Variants in PTPRQ observed in about 807,000 individuals in gnomAD.
PTPRQ encodes protein tyrosine phosphatase receptor type Q.
A neutral mutation model predicts 246.0 loss-of-function variants in PTPRQ; 199 were observed. The observed-to-expected ratio is 0.81, with a 90% CI of 0.72 to 0.91. The LOEUF is 0.91. PTPRQ is among the 40% of genes least tolerant of loss of function. The pLI is 0.00. For synonymous variants in PTPRQ, 869 were observed against 853.2 expected (o/e 1.02, Z -0.32); for missense variants, 2,624 against 2,528.4 (o/e 1.04, Z -0.81).
intron 33 of PTPRQ, among the ~76,000 whole-genome samples, chr12:80,629,972 G>A (rs1899361095): frequency 6.6e-6 from 1 of 152,134 alleles, no homozygotes; most frequent in East Asian, 1.9e-4. Context: ...TATTTCTGAA[G>A]TAAAGTAAGT....
At chr12:80,649,559 C>A in intron 36 of PTPRQ, 29 bp from the exon 37 acceptor site, 2 of 1,547,534 alleles carry the variant, frequency 1.3e-6, no homozygotes, top group South Asian at 1.2e-5. Context: ...TCTAACATGA[C>A]CCTATTTTAT....
At chr12:80,567,182 A>G (rs959047874) in intron 25 of PTPRQ, among the ~76,000 whole-genome samples, 1 of 152,242 alleles carries the variant, frequency 6.6e-6, no homozygotes, top group African/African-American at 2.4e-5. Context: ...ATGTATGAGA[A>G]ATATAGTAAA....
intron 33 of PTPRQ, among the ~76,000 whole-genome samples, chr12:80,627,874 A>C (rs1301374619): frequency 6.6e-6 from 1 of 152,166 alleles, no homozygotes; most frequent in Non-Finnish European, 1.5e-5. Flanking sequence ...AGTGAATCAG[A>C]AAGTGTACTT....
chr12:80,613,180 C>T (rs1355093663), intron 28 of PTPRQ, among the ~76,000 whole-genome samples: 1 of 150,490 alleles, frequency 6.6e-6, no homozygotes, highest in Non-Finnish European at 1.5e-5. Context: ...TTCATATAAA[C>T]TCCAGTTACA....
rs1356739325 is a variant in PTPRQ at position 80,546,595 on chromosome 12, C to G, written c.3913C>G (p.Leu1305Val). The G allele has an allele frequency of 3.9e-6, 6 of 1,549,816 alleles. No individual in the cohort carries two copies. Among genetic ancestry groups the G allele is most frequent in the Non-Finnish European group, 5.2e-6 (6 of 1,146,542 alleles). Reference sequence around the variant, plus strand: ...TAAAACTGAAGCCAAACTTGTTGGACTGGAACCAGTCAGCACCTACTCTAT... The same window carrying G: ...TAAAACTGAAGCCAAACTTGTTGGAGTGGAACCAGTCAGCACCTACTCTAT... The part of the protein sequence containing the change: ...GFKTEAKLVG[L>V]EPVSTYSIRV... The change falls in exon 24 of 45, where the codon CTG becomes GTG. Residue 1305 changes from leucine (L) to valine (V), a missense_variant. Leu to Val is a conservative substitution (Grantham distance 32). Transcript: ENST00000644991.
intron 17 of PTPRQ, 85 bp from the exon 18 acceptor site, chr12:80,533,930 T>C (rs907163054): frequency 4.0e-6 from 4 of 988,928 alleles, no homozygotes; most frequent in Non-Finnish European, 5.5e-6. Context: ...TATATTAATG[T>C]TGTTTACTTT....
intron 26 of PTPRQ, among the ~76,000 whole-genome samples, chr12:80,596,623 C>T (rs1338005667): frequency 6.6e-6 from 1 of 151,940 alleles, no homozygotes; most frequent in African/African-American, 2.4e-5. Context: ...TCTTTCTGTC[C>T]ATTCAACAAG....
intron 39 of PTPRQ, among the ~76,000 whole-genome samples, chr12:80,663,397 C>T (rs1900691878): frequency 1.3e-5 from 2 of 151,894 alleles, no homozygotes; most frequent in Non-Finnish European, 2.9e-5. Flanking sequence ...ACCAGTGGGT[C>T]TGCATACCCT....
intron 35 of PTPRQ, among the ~76,000 whole-genome samples, chr12:80,641,159 G>A (rs900384032): frequency 6.6e-6 from 1 of 152,250 alleles, no homozygotes; most frequent in African/African-American, 2.4e-5. Flanking sequence ...AACTGTGCAC[G>A]CTTCCAGGCA....
chr12:80,656,178 C>T (rs978561542), intron 38 of PTPRQ, among the ~76,000 whole-genome samples: 2 of 152,152 alleles, frequency 1.3e-5, no homozygotes, highest in African/African-American at 2.4e-5. Context: ...TGTGTTTAAT[C>T]ATTCCCATTT....
In PTPRQ at chr12:80,486,128, T is replaced by A. The variant is rs113233082; in HGVS notation, c.1359+1523T>A. On this transcript the variant is annotated intron_variant, in intron 9 of 44. Transcript: ENST00000644991. ...TTCTTCTTCTCTAAGATAGTGATTATAAGTCCCTATAACAAAGGGTTAATA... is the reference window on the plus strand; with the variant it reads ...TTCTTCTTCTCTAAGATAGTGATTAAAAGTCCCTATAACAAAGGGTTAATA... Among the ~76,000 whole-genome samples the A allele has an allele frequency of 3.0e-4, 46 of 152,278 alleles. 1 individual carries two copies. Among genetic ancestry groups the A allele is most frequent in the African/African-American group, 1.1e-3 (45 of 41,576 alleles).
At position 80,605,598 on chromosome 12, in the gene PTPRQ, A is replaced by G. The variant is rs141402566; in HGVS notation, c.4731+418A>G. Among the ~76,000 whole-genome samples the G allele has an allele frequency of 1.9e-3, 287 of 151,410 alleles. 2 individuals carry two copies. The highest frequency in any genetic ancestry group is 6.8e-3 in the African/African-American group (280 of 41,476). ...ACAAAATGAGAAGAGAGAAGGCATT[A>G]GGAGAAATATCTTCCAGATAAAATA... On this transcript the variant is annotated intron_variant, in intron 27 of 44. Coordinates refer to ENST00000644991, the MANE Select transcript of PTPRQ (RefSeq NM_001145026.2).
chr12:80,482,597 A>T lies in PTPRQ; in HGVS notation c.1187-1836A>T, dbSNP rs1302110283. ...ATCAGAGCGAACAGGCAACCTACAA[A>T]ATGGGAGAAAATTGTCACAACCTAC... is the stretch of plus-strand genomic sequence containing the variant. On this transcript the variant is annotated intron_variant, in intron 8 of 44. Coordinates refer to ENST00000644991, the MANE Select transcript of PTPRQ (RefSeq NM_001145026.2). 2.0e-5 allele frequency among the ~76,000 whole-genome samples: 3 copies of T among 150,420 alleles called. 1 individual carries two copies. Among genetic ancestry groups the T allele is most frequent in the African/African-American group, 7.5e-5 (3 of 39,918 alleles).
In PTPRQ at chr12:80,549,724, AC is replaced by A; in HGVS notation, c.4277del (p.Pro1426LeufsTer23). 1 of 1,541,400 alleles carries A rather than the reference AC, an allele frequency of 6.5e-7. No individual in the cohort carries two copies. Among genetic ancestry groups the A allele is most frequent in the Non-Finnish European group, 8.8e-7 (1 of 1,141,722 alleles). ...DESTCHVSTL[P>X]ETVPSVPTNI... ...AAAGCACATGCCATGTCAGCACACTACCTGAAACAGGTAACTAACGTGAAAC... is the reference window on the plus strand; with the variant it reads ...AAAGCACATGCCATGTCAGCACACTACTGAAACAGGTAACTAACGTGAAAC... On this transcript the variant is annotated frameshift_variant, in exon 25 of 45. Coordinates refer to ENST00000644991, the MANE Select transcript of PTPRQ (RefSeq NM_001145026.2). LOFTEE classifies it high-confidence loss of function.
intron 39 of PTPRQ, among the ~76,000 whole-genome samples, chr12:80,667,854 C>T (rs1920444): frequency 0.26 from 39,187 of 151,562 alleles, 5,468 homozygotes; most frequent in South Asian, 0.39. Flanking sequence ...TTAGGTCTTT[C>T]GGTTGAGACT....
intron 25 of PTPRQ, among the ~76,000 whole-genome samples, chr12:80,570,762 T>C (rs898241309): frequency 6.6e-6 from 1 of 152,192 alleles, no homozygotes; most frequent in Non-Finnish European, 1.5e-5. Flanking sequence ...AATTTTTGTA[T>C]AAGGTGTAAG....
intron 25 of PTPRQ, among the ~76,000 whole-genome samples, chr12:80,565,475 A>G (rs1896949283): frequency 6.6e-6 from 1 of 152,288 alleles, no homozygotes; most frequent in African/African-American, 2.4e-5. Context: ...CAGCCTTTAC[A>G]TATCAACCTC....
Position 80,445,551 on chromosome 12 carries a change from C to T in PTPRQ, c.224C>T (p.Ser75Phe), listed in dbSNP as rs1315506970. The change falls in exon 3 of 45, where the codon TCT (serine) becomes TTT (phenylalanine). Residue 75 changes from serine to phenylalanine, a missense_variant. Transcript: ENST00000644991. ...ERVGSAGILL[S>F]WNTPPNPNGR... The stretch of plus-strand genomic sequence containing the variant: ...GTCGGATCTGCTGGGATTCTTCTGT[C>T]TTGGAATACACCACCTAATCCAAAT... 2 of 1,549,586 alleles carry T rather than the reference C, an allele frequency of 1.3e-6. No homozygotes were observed. The highest frequency in any genetic ancestry group is 2.4e-5 in the East Asian group (1 of 40,894).
chr12:80,480,153 C>G (rs1156258262), intron 8 of PTPRQ, among the ~76,000 whole-genome samples: 4 of 152,062 alleles, frequency 2.6e-5, no homozygotes, highest in Non-Finnish European at 4.4e-5. Context: ...TGTAAAAGAA[C>G]AGAAATTATA....
Sources: gnomAD v4.1 joint callset for allele counts (sites outside exome capture counted in the v4.1 genomes callset) on GRCh38, gnomAD v4.1.1 for gene constraint, MANE v1.5 for transcripts, NCBI Gene and HGNC (gene_info 2026-07-23, HGNC 2026-07-21) for gene names.